Variants in LTBP2 observed in about 807,000 individuals in gnomAD.
LTBP2 encodes latent transforming growth factor beta binding protein 2.
LTBP2 carries 103 observed loss-of-function variants against 210.6 expected under a neutral mutation model. The observed-to-expected ratio is 0.49, with a 90% CI of 0.42 to 0.58. The LOEUF (loss-of-function observed/expected upper bound fraction) is 0.58, where lower values mean the gene tolerates loss of function less well. Ranked by LOEUF, LTBP2 falls within the 20% of genes least tolerant of loss-of-function variation. The pLI is 0.00. For missense variants in LTBP2, 2,313 were observed against 2,494.5 expected, an observed-to-expected ratio of 0.93 and a Z score of 1.55; for synonymous variants, 1,007 against 1,015.0, an observed-to-expected ratio of 0.99 and a Z score of 0.15.
At chr14:74,556,113 C>T (rs950800989) in intron 3 of LTBP2, among the ~76,000 whole-genome samples, 2 of 152,176 alleles carry the variant, frequency 1.3e-5, no homozygotes, top group African/African-American at 4.8e-5. Flanking sequence ...CTTAATATAT[C>T]CCTTAATATG....
chr14:74,505,551 C>T (rs2086971469), intron 28 of LTBP2, among the ~76,000 whole-genome samples: 1 of 152,210 alleles, frequency 6.6e-6, no homozygotes, highest in African/African-American at 2.4e-5. Flanking sequence ...TTCTGCTTCA[C>T]ATGTACCCCA....
rs769111400 is a variant in LTBP2 at position 74,507,960 on chromosome 14, C to G, written c.3775+13G>C. ...GTGGGCAGAGCCCTGTGCCCTCCCC[C>G]CAGAGCCCTTACCCACACACTCTCC... is the stretch of plus-strand genomic sequence containing the variant. On this transcript the variant is annotated intron_variant, in intron 25 of 35. Coordinates refer to ENST00000261978, the MANE Select transcript of LTBP2 (RefSeq NM_000428.3). 2 of 1,612,618 alleles carry G rather than the reference C, an allele frequency of 1.2e-6. No homozygotes were observed. Among genetic ancestry groups the G allele is most frequent in the South Asian group, 1.1e-5 (1 of 91,028 alleles).
intron 8 of LTBP2, among the ~76,000 whole-genome samples, chr14:74,547,610 C>T (rs2087594199): frequency 6.6e-6 from 1 of 152,168 alleles, no homozygotes; most frequent in East Asian, 1.9e-4. Flanking sequence ...GGAGGGGAAA[C>T]TTCTAAGGCT....
chr14:74,580,540 A>T (rs1467475242), intron 3 of LTBP2, among the ~76,000 whole-genome samples: 1 of 152,206 alleles, frequency 6.6e-6, no homozygotes, highest in African/African-American at 2.4e-5. Context: ...AGAGGCACAG[A>T]ACCTTCTCCC....
chr14:74,541,894 ACCCCTTGTGG>A (rs1225091285), intron 8 of LTBP2, among the ~76,000 whole-genome samples: 31 of 151,644 alleles, frequency 2.0e-4, no homozygotes, highest in Admixed American at 1.9e-3. Flanking sequence ...AACTCATCCT[ACCCCTTGTGG>A]CTCCTCAGCC....
At chr14:74,509,147 A>G in intron 22 of LTBP2, 91 bp downstream of exon 22, 1 of 1,597,490 alleles carries the variant, frequency 6.3e-7, no homozygotes, top group Non-Finnish European at 8.6e-7. Flanking sequence ...CAGCTCCTCC[A>G]GCCTCAGCAG....
rs1198926378 is a variant in LTBP2, at chr14:74,498,258, T to TA, written c.*2625dup. ...AAATTCAAAAAAATACAAAAGGAGA[T>TA]ACAGTGAAAAGTCTCCCAATCCTGT... is the stretch of plus-strand genomic sequence containing the variant. On this transcript the variant is annotated 3_prime_UTR_variant, in exon 36 of 36. Coordinates refer to ENST00000261978, the MANE Select transcript of LTBP2 (RefSeq NM_000428.3). 1.6e-5 allele frequency: 3 copies of TA among 182,106 alleles called. No homozygotes were observed. Among genetic ancestry groups the TA allele is most frequent in the Non-Finnish European group, 3.5e-5 (3 of 85,522 alleles). The allele number at this position is 182,106 out of a possible 1,614,324, so 11.3% of individuals were successfully genotyped here.
Position 74,507,278 on chromosome 14 carries a change from C to G in LTBP2, c.3808G>C (p.Val1270Leu), listed in dbSNP as rs1211417054. 4 of 1,614,218 alleles carry G rather than the reference C, an allele frequency of 2.5e-6. No individual in the cohort carries two copies. In the African/African-American group the frequency reaches 4.0e-5, roughly 16 times the overall value. The change falls in exon 26 of 36, where the codon GTG becomes CTG. Residue 1270 changes from valine (V) to leucine (L), a missense_variant. Physicochemically the swap from Val to Leu is conservative, Grantham distance 32. Coordinates refer to ENST00000261978, the MANE Select transcript of LTBP2 (RefSeq NM_000428.3). ...IDECEDYGDP[V>L]CGTWKCENSP... ...TTTTCACACTTCCAGGTGCCACACA[C>G]CGGGTCTCCATAGTCCTCACACTCG...
chr14:74,502,891 C>G lies in LTBP2; in HGVS notation c.4932G>C (p.Glu1644Asp), dbSNP rs755758751. Residue 1644 changes from glutamate to aspartate, a missense_variant, in exon 34 of 36, where the codon GAG becomes GAC. Transcript: ENST00000261978. ...GCCGGAAGTGGACCCCGGCCTCCCG[C>G]TCTGCCTCAATGCGAGCCACGTTGC... is the stretch of plus-strand genomic sequence containing the variant. ...QLCNVARIEA[E>D]REAGVHFRPG... The G allele has an allele frequency of 6.2e-7, 1 of 1,613,284 alleles. No individual in the cohort carries two copies.
At chr14:74,541,811 C>T (rs761863558) in intron 8 of LTBP2, among the ~76,000 whole-genome samples, 10 of 151,984 alleles carry the variant, frequency 6.6e-5, no homozygotes, top group African/African-American at 2.4e-4. Context: ...AAGAACTGAT[C>T]AGATGCCTGG....
chr14:74,552,490 G>A (rs2087674515), intron 5 of LTBP2, 97 bp from the exon 6 acceptor site: 5 of 1,130,018 alleles, frequency 4.4e-6, no homozygotes, highest in South Asian at 1.3e-5. Context: ...GCAGAACCCT[G>A]ACCCTAGATG....
At chr14:74,590,448 A>C (rs2088266582) in intron 2 of LTBP2, among the ~76,000 whole-genome samples, 1 of 152,206 alleles carries the variant, frequency 6.6e-6, no homozygotes, top group South Asian at 2.1e-4. Flanking sequence ...TACTAAAAAT[A>C]CAAAAAATTA....
intron 3 of LTBP2, among the ~76,000 whole-genome samples, chr14:74,557,718 C>T (rs1470963662): frequency 6.6e-6 from 1 of 151,498 alleles, no homozygotes; most frequent in African/African-American, 2.4e-5. Context: ...TGTCTATGAA[C>T]CACTGTGTAT....
At chr14:74,501,068 G>A in intron 35 of LTBP2, 39 bp from the exon 36 acceptor site, 1 of 1,598,650 alleles carries the variant, frequency 6.3e-7, no homozygotes, top group East Asian at 2.3e-5. Flanking sequence ...GGGAGCCCAG[G>A]TGCCTCTGCT....
chr14:74,552,867 C>G, intron 5 of LTBP2, 25 bp downstream of exon 5: 4 of 1,606,024 alleles, frequency 2.5e-6, no homozygotes, highest in Non-Finnish European at 3.4e-6. Flanking sequence ...CAGCTGGGAA[C>G]CATCTGAGCA....
At position 74,503,210 on chromosome 14, in the gene LTBP2, C is replaced by A. The variant is rs1236157832; in HGVS notation, c.4888+9G>T. ...AGCCCTGCAGGGTATCCCCTTTGCT[C>A]CCCCTCACCAGAGCTCCTCGGGGGA... On this transcript the variant is annotated intron_variant, in intron 33 of 35. Transcript: ENST00000261978. 2 of 1,613,568 alleles carry A rather than the reference C, an allele frequency of 1.2e-6. No homozygotes were observed. The highest frequency in any genetic ancestry group is 1.7e-6 in the Non-Finnish European group (2 of 1,179,990).
At chr14:74,600,663 C>A (rs953992572) in intron 2 of LTBP2, among the ~76,000 whole-genome samples, 10 of 152,152 alleles carry the variant, frequency 6.6e-5, no homozygotes, top group Non-Finnish European at 2.9e-5. Context: ...TATGAAGCCA[C>A]CCGCTGCAGC....
intron 2 of LTBP2, among the ~76,000 whole-genome samples, chr14:74,595,232 T>C (rs2088342504): frequency 6.6e-6 from 1 of 152,098 alleles, no homozygotes; most frequent in African/African-American, 2.4e-5. Flanking sequence ...TTAATTGCAT[T>C]AACAAATGCT....
chr14:74,506,766 G>A lies in LTBP2; in HGVS notation c.3965C>T (p.Thr1322Ile). 6.2e-7 allele frequency: 1 copy of A among 1,614,092 alleles called. No homozygotes were observed. Among genetic ancestry groups the A allele is most frequent in the Non-Finnish European group, 8.5e-7 (1 of 1,180,038 alleles). ...MCGSHGFCDN[T>I]DGSFRCLCDQ... ...ACAGAGGCAGCGGAAGGAGCCATCAGTGTTGTCACAGAAGCCGTGGCTGCC... is the reference window on the plus strand; with the variant it reads ...ACAGAGGCAGCGGAAGGAGCCATCAATGTTGTCACAGAAGCCGTGGCTGCC... Residue 1322 changes from threonine to isoleucine, a missense_variant, in exon 27 of 36, where the codon ACT becomes ATT. Around this residue, in one of 3 missense-constraint regions of LTBP2, gnomAD observed 1,867 missense variants for 1,976.9 expected, o/e 0.94. Transcript: ENST00000261978.
Sources: gnomAD v4.1 joint callset for allele counts (sites outside exome capture counted in the v4.1 genomes callset) on GRCh38, gnomAD v4.1.1 for gene constraint, gnomAD v4.1.1 regional missense constraint, MANE v1.5 for transcripts, NCBI Gene and HGNC (gene_info 2026-07-23, HGNC 2026-07-21) for gene names.